Variants in NAV2 observed in about 807,000 individuals in gnomAD.
The protein encoded by NAV2 is neuron navigator 2.
NAV2 carries 54 observed loss-of-function variants against 223.2 expected under a neutral mutation model. That is an observed-to-expected ratio of 0.24 (90% CI 0.19 to 0.30). The LOEUF is 0.30. NAV2 is among the 10% of genes least tolerant of loss of function. The pLI is 1.00. For missense variants in NAV2, 2,806 were observed against 3,147.5 expected (o/e 0.89, Z 2.60); for synonymous variants, 1,279 against 1,239.3 (o/e 1.03, Z -0.67).
At chr11:19,691,504 G>A (rs2049173213) in intron 1 of NAV2, among the ~76,000 whole-genome samples, 1 of 152,106 alleles carries the variant, frequency 6.6e-6, no homozygotes, top group African/African-American at 2.4e-5. Flanking sequence ...GTAGTTCCAG[G>A]CAGTTTCTCA....
chr11:20,028,591 A>G (rs1447131713), intron 11 of NAV2, among the ~76,000 whole-genome samples: 1 of 152,194 alleles, frequency 6.6e-6, no homozygotes, highest in African/African-American at 2.4e-5. Context: ...GTGCGCTACA[A>G]TCTATAAGAC....
At chr11:19,409,150 C>T (rs956051458) in intron 1 of NAV2, among the ~76,000 whole-genome samples, 3 of 152,116 alleles carry the variant, frequency 2.0e-5, no homozygotes, top group Admixed American at 1.3e-4. Flanking sequence ...ATCATTGGCC[C>T]ACCCCATGTC....
intron 1 of NAV2, among the ~76,000 whole-genome samples, chr11:19,450,851 G>A (rs1851765892): frequency 6.6e-6 from 1 of 152,104 alleles, no homozygotes; most frequent in African/African-American, 2.4e-5. Flanking sequence ...GCTTGTGCTT[G>A]GTGTTTCTGA....
chr11:19,622,478 T>C (rs867603230), intron 1 of NAV2, among the ~76,000 whole-genome samples: 3 of 152,358 alleles, frequency 2.0e-5, no homozygotes, highest in Middle Eastern at 3.4e-3. Context: ...AGTTAGCTCT[T>C]CTTGTTGAAT....
At position 19,625,539 on chromosome 11, in the gene NAV2, A is replaced by G. The variant is rs56048577; in HGVS notation, c.76-206945A>G. On this transcript the variant is annotated intron_variant, in intron 1 of 37. Coordinates refer to the NAV2 transcript ENST00000360655. The stretch of plus-strand genomic sequence containing the variant: ...GGAGGTGCAGCTATTTATTCAATAT[A>G]CTAATTTCCTTTCTCTTGGTGAAAT... Among the ~76,000 whole-genome samples, 427 of 152,242 alleles carry G rather than the reference A, an allele frequency of 2.8e-3. 2 individuals are homozygous for G. Among genetic ancestry groups the G allele is most frequent in the Non-Finnish European group, 3.3e-3 (223 of 68,004 alleles).
chr11:20,028,712 A>G (rs986156216), intron 11 of NAV2, among the ~76,000 whole-genome samples: 6 of 152,128 alleles, frequency 3.9e-5, no homozygotes, highest in Admixed American at 1.3e-4. Flanking sequence ...ATCCGGGGGA[A>G]AATGGGGGTG....
intron 1 of NAV2, among the ~76,000 whole-genome samples, chr11:19,683,303 G>C (rs935302570): frequency 2.0e-5 from 3 of 152,148 alleles, no homozygotes; most frequent in Non-Finnish European, 4.4e-5. Context: ...GGGGTTGCGG[G>C]GTGTAACAGA....
chr11:20,095,743 T>C lies in NAV2; in HGVS notation c.5988T>C (p.Asp1996=), dbSNP rs2061212965. 2 of 1,613,982 alleles carry C rather than the reference T, an allele frequency of 1.2e-6. No individual in the cohort carries two copies. The highest frequency in any genetic ancestry group is 1.7e-6 in the Non-Finnish European group (2 of 1,179,888). Residue 1996 remains aspartate (D), a synonymous_variant, in exon 30 of 38, where the codon GAT becomes GAC. Transcript: ENST00000349880. ...GCAAGACGAAGTGGGATGTGCTCGA[T>C]GGGGTGGTTAGACGGCTGTTCAAAG... ...VSGKTKWDVL[D]GVVRRLFKEY...
rs147376978 is a variant in NAV2, at chr11:19,875,767, G to A, written c.512-4102G>A. On this transcript the variant is annotated intron_variant, in intron 4 of 37. Transcript: ENST00000349880. ...TATGAAATTATAACTCAGTAAAACT[G>A]TTTTTAAAACCAGAAAGATTACCAT... Among the ~76,000 whole-genome samples, 12 of 152,240 alleles carry A rather than the reference G, an allele frequency of 7.9e-5. No individual in the cohort carries two copies. The East Asian group carries it at 2.3e-3, about 29-fold the overall frequency.
rs1182167290 is a variant in NAV2, at chr11:19,351,752, T to G, written c.75+725T>G. Among the ~76,000 whole-genome samples the G allele has an allele frequency of 2.1e-5, 3 of 140,810 alleles. No homozygotes were observed. In the East Asian group the frequency reaches 6.5e-4, roughly 31 times the overall value. The allele number at this position is 140,810 out of a possible 152,430, so 92.4% of individuals were successfully genotyped here. A position where few individuals can be genotyped will look rare whatever the true frequency, so the allele number is the denominator to read the frequency against. On this transcript the variant is annotated intron_variant, in intron 1 of 37. Coordinates refer to the NAV2 transcript ENST00000360655. The stretch of plus-strand genomic sequence containing the variant: ...AAATCTCTAGCAGAGTCCAAATTTT[T>G]GTTGAACTGAAAATAATTTCTGACA...
At chr11:19,417,187 G>A (rs3110088) in intron 1 of NAV2, among the ~76,000 whole-genome samples, 106,355 of 151,974 alleles carry the variant, frequency 0.7, 37,282 homozygotes, top group Admixed American at 0.72. Flanking sequence ...AAATTTTTGC[G>A]ATCTATCCGT....
intron 12 of NAV2, among the ~76,000 whole-genome samples, chr11:20,040,349 G>A (rs1037779649): frequency 6.6e-6 from 1 of 152,194 alleles, no homozygotes; most frequent in Non-Finnish European, 1.5e-5. Context: ...AGGAAAGTTG[G>A]TAATGAATAG....
intron 3 of NAV2, among the ~76,000 whole-genome samples, chr11:19,850,734 G>T (rs2061068702): frequency 6.6e-6 from 1 of 152,024 alleles, no homozygotes; most frequent in African/African-American, 2.4e-5. Context: ...TGTTGCTTGA[G>T]GTGAGCATAT....
At chr11:20,052,174 C>T (rs1050954638) in intron 17 of NAV2, among the ~76,000 whole-genome samples, 2 of 152,130 alleles carry the variant, frequency 1.3e-5, no homozygotes, top group African/African-American at 4.8e-5. Context: ...AGTGCTTTCG[C>T]ATAAAATGGG....
At chr11:19,720,572 C>G (rs2050673359) in intron 1 of NAV2, among the ~76,000 whole-genome samples, 1 of 152,174 alleles carries the variant, frequency 6.6e-6, no homozygotes, top group South Asian at 2.1e-4. Context: ...GGGTCTTAGT[C>G]AAGATAATTG....
chr11:19,876,960 A>T (rs951335471), intron 4 of NAV2, among the ~76,000 whole-genome samples: 2 of 125,260 alleles, frequency 1.6e-5, no homozygotes, highest in East Asian at 5.0e-4. Context: ...ATTTATCAAT[A>T]AAAAATATTT....
chr11:20,049,705 T>G lies in NAV2; in HGVS notation c.4371-131T>G, dbSNP rs879102095. 8.5e-6 allele frequency: 7 copies of G among 826,298 alleles called. No homozygotes were observed. In the South Asian group the frequency reaches 9.1e-5, roughly 11 times the overall value. The allele number at this position is 826,298 out of a possible 1,614,324, so 51.2% of individuals were successfully genotyped here. Reference sequence around the variant, plus strand: ...GATTTCTCTGCAGCAGGGATAAATGTGTCCAGTTTCTGCATATAGGGAAGA... The same window carrying G: ...GATTTCTCTGCAGCAGGGATAAATGGGTCCAGTTTCTGCATATAGGGAAGA... On this transcript the variant is annotated intron_variant, in intron 15 of 37. Transcript: ENST00000349880.
chr11:19,570,531 A>G (rs1044706696), intron 1 of NAV2, among the ~76,000 whole-genome samples: 5 of 152,238 alleles, frequency 3.3e-5, no homozygotes, highest in Non-Finnish European at 5.9e-5. Flanking sequence ...TGCAAATCAT[A>G]TATCTGGTAA....
chr11:19,878,511 A>G (rs1396979293), intron 4 of NAV2, among the ~76,000 whole-genome samples: 1 of 152,198 alleles, frequency 6.6e-6, no homozygotes, highest in Non-Finnish European at 1.5e-5. Context: ...GTAAGAATAC[A>G]GATTGGAACT....
Sources: allele counts gnomAD v4.1 joint callset (sites outside exome capture counted in the v4.1 genomes callset), GRCh38; gene constraint gnomAD v4.1.1; transcripts MANE v1.5; gene names NCBI Gene and HGNC (gene_info 2026-07-23, HGNC 2026-07-21).